ADAMTSL1: variants seen among roughly 807,000 people sequenced by gnomAD.
The protein encoded by ADAMTSL1 is ADAMTS-like protein 1.
In ADAMTSL1, 126 loss-of-function variants were observed where a neutral mutation model predicts 201.8. The observed-to-expected ratio is 0.62, with a 90% CI of 0.54 to 0.72. The LOEUF is 0.72. Among genes scored for constraint, ADAMTSL1 ranks in the 30% least tolerant of loss-of-function variants. ADAMTSL1 has a pLI of 0.00. For missense variants in ADAMTSL1, 2,679 were observed against 2,277.8 expected (o/e 1.18, Z -3.59); for synonymous variants, 1,121 against 903.4 (o/e 1.24, Z -4.32).
chr9:18,797,532 C>G (rs971661933), intron 20 of ADAMTSL1, among the ~76,000 whole-genome samples: 5 of 151,860 alleles, frequency 3.3e-5, no homozygotes, highest in African/African-American at 1.2e-4. Flanking sequence ...GAGAAAGTTG[C>G]AATTTACTTC....
chr9:18,907,726 G>A (rs917485515), intron 28 of ADAMTSL1: 4 of 152,976 alleles, frequency 2.6e-5, no homozygotes, highest in Non-Finnish European at 5.8e-5. Flanking sequence ...TACTCGGGTA[G>A]TGTTAACCCA....
chr9:18,860,174 A>G (rs529609693), intron 23 of ADAMTSL1, among the ~76,000 whole-genome samples: 1 of 152,364 alleles, frequency 6.6e-6, no homozygotes, highest in East Asian at 1.9e-4. Context: ...TTTTAATTAG[A>G]AAAGAAGGTA....
chr9:18,616,178 A>G (rs1333659564), intron 4 of ADAMTSL1, among the ~76,000 whole-genome samples: 1 of 152,118 alleles, frequency 6.6e-6, no homozygotes, highest in Non-Finnish European at 1.5e-5. Context: ...GGTGTTTGCC[A>G]CCACACTGGG....
At position 18,776,880 on chromosome 9, in the gene ADAMTSL1, G is replaced by A. The variant is rs745904930; in HGVS notation, c.2651G>A (p.Gly884Glu). The change falls in exon 19 of 29, where the codon GGG (glycine) becomes GAG (glutamate). Residue 884 changes from glycine to glutamate, a missense_variant. By Grantham distance (98) the Gly-to-Glu change is moderately conservative. Transcript: ENST00000380548. ...RRQRKLHFVV[G>E]GFAYLLPKTA... ...CAGAGGAAGCTGCACTTCGTGGTGG[G>A]GGGCTTCGCCTACCTGCTCCCCAAG... The A allele has an allele frequency of 2.5e-5, 40 of 1,611,440 alleles. No individual in the cohort carries two copies. The highest frequency in any genetic ancestry group is 3.3e-5 in the Non-Finnish European group (39 of 1,179,302).
At chr9:18,079,422 T>A (rs568381962) in intron 1 of ADAMTSL1, among the ~76,000 whole-genome samples, 1 of 152,186 alleles carries the variant, frequency 6.6e-6, no homozygotes, top group Non-Finnish European at 1.5e-5. Context: ...CTCACACCTG[T>A]AATCCCAGCA....
At chr9:18,862,068 C>T (rs997971338) in intron 23 of ADAMTSL1, among the ~76,000 whole-genome samples, 6 of 152,198 alleles carry the variant, frequency 3.9e-5, no homozygotes, top group African/African-American at 1.4e-4. Context: ...GCAGCGGCTC[C>T]TTCCTGTGGC....
chr9:18,216,127 G>A (rs570589711), intron 2 of ADAMTSL1, among the ~76,000 whole-genome samples: 2 of 152,164 alleles, frequency 1.3e-5, no homozygotes, highest in Non-Finnish European at 2.9e-5. Context: ...TCTAATAAGA[G>A]AATCCTCAAT....
At chr9:18,092,870 T>C (rs1331582409) in intron 1 of ADAMTSL1, among the ~76,000 whole-genome samples, 1 of 152,246 alleles carries the variant, frequency 6.6e-6, no homozygotes, top group Admixed American at 6.5e-5. Context: ...TGTTGACATA[T>C]TCATATGGTG....
At chr9:18,686,919 T>A (rs1830875799) in intron 13 of ADAMTSL1, among the ~76,000 whole-genome samples, 1 of 152,202 alleles carries the variant, frequency 6.6e-6, no homozygotes, top group African/African-American at 2.4e-5. Context: ...TTAATCTTAA[T>A]AAAATCTTTA....
intron 1 of ADAMTSL1, among the ~76,000 whole-genome samples, chr9:17,938,847 G>C (rs763378168): frequency 1.7e-4 from 26 of 152,210 alleles, no homozygotes; most frequent in Non-Finnish European, 2.9e-4. Flanking sequence ...GACTTTCCAT[G>C]GCTTTCCCCT....
At chr9:17,939,535 G>A (rs1045281088) in intron 1 of ADAMTSL1, among the ~76,000 whole-genome samples, 2 of 152,018 alleles carry the variant, frequency 1.3e-5, no homozygotes, top group Non-Finnish European at 2.9e-5. Context: ...TGGTAACAAT[G>A]ATGTATGACT....
intron 19 of ADAMTSL1, among the ~76,000 whole-genome samples, chr9:18,791,659 G>T (rs1292469088): frequency 2.6e-5 from 4 of 152,170 alleles, no homozygotes; most frequent in Non-Finnish European, 5.9e-5. Context: ...CACAATAAGT[G>T]AGAAATTCAG....
At chr9:18,725,250 C>T (rs1817806861) in intron 15 of ADAMTSL1, among the ~76,000 whole-genome samples, 1 of 152,050 alleles carries the variant, frequency 6.6e-6, no homozygotes, top group South Asian at 2.1e-4. Context: ...GCAAAGTATC[C>T]CCCAAGTAAG....
intron 23 of ADAMTSL1, among the ~76,000 whole-genome samples, chr9:18,870,507 C>G (rs965773495): frequency 1.3e-5 from 2 of 152,162 alleles, no homozygotes; most frequent in Non-Finnish European, 2.9e-5. Flanking sequence ...TGCTAAAAAT[C>G]TAGTAAAATT....
intron 2 of ADAMTSL1, among the ~76,000 whole-genome samples, chr9:18,441,661 C>T (rs958692700): frequency 3.3e-5 from 5 of 149,924 alleles, no homozygotes; most frequent in Admixed American, 6.7e-5. Flanking sequence ...CAAAGACCTG[C>T]TGAGTTTGTA....
intron 2 of ADAMTSL1, among the ~76,000 whole-genome samples, chr9:18,174,128 G>A (rs1166472455): frequency 6.6e-6 from 1 of 152,044 alleles, no homozygotes; most frequent in Non-Finnish European, 1.5e-5. Flanking sequence ...AACCACTTGA[G>A]GCACCAAAGA....
chr9:18,661,894 G>A, intron 8 of ADAMTSL1, 41 bp from the exon 9 acceptor site: 4 of 1,593,638 alleles, frequency 2.5e-6, no homozygotes, highest in Non-Finnish European at 3.4e-6. Context: ...TATTGCATTG[G>A]CATGTACATT....
intron 1 of ADAMTSL1, among the ~76,000 whole-genome samples, chr9:18,025,596 G>T (rs1173055821): frequency 6.6e-6 from 1 of 152,026 alleles, no homozygotes; most frequent in Non-Finnish European, 1.5e-5. Flanking sequence ...TCTCTATTCT[G>T]TTCCATTGGT....
intron 3 of ADAMTSL1, among the ~76,000 whole-genome samples, chr9:18,559,788 C>G (rs760930060): frequency 6.6e-6 from 1 of 152,108 alleles, no homozygotes; most frequent in Non-Finnish European, 1.5e-5. Context: ...TGAGTGCTAA[C>G]TCATGATTTG....
Sources: allele counts gnomAD v4.1 joint callset (sites outside exome capture counted in the v4.1 genomes callset), GRCh38; gene constraint gnomAD v4.1.1; transcripts MANE v1.5; gene names NCBI Gene and HGNC (gene_info 2026-07-23, HGNC 2026-07-21).